Variants in FSHR observed in about 807,000 individuals in gnomAD.
The protein encoded by FSHR is follicle stimulating hormone receptor.
Under a neutral mutation model 52.1 loss-of-function variants are expected in FSHR, and 46 were observed. That is an observed-to-expected ratio of 0.88 (90% CI 0.70 to 1.13). The LOEUF (loss-of-function observed/expected upper bound fraction) is 1.13, where lower values mean the gene tolerates loss of function less well. FSHR is among the 50% of genes most tolerant of loss of function. The probability of loss-of-function intolerance (pLI) is 0.00; values close to 1 mark genes in which losing one functional copy is unlikely to be tolerated. For missense variants in FSHR, 964 were observed against 834.6 expected (o/e 1.16, Z -1.91); for synonymous variants, 399 against 309.6 (o/e 1.29, Z -3.03).
intron 1 of FSHR, among the ~76,000 whole-genome samples, chr2:49,077,560 C>T (rs190055052): frequency 7.7e-4 from 117 of 152,310 alleles, no homozygotes; most frequent in Middle Eastern, 3.4e-3. Flanking sequence ...TTGTTACTTA[C>T]GCAAATTTAC....
intron 4 of FSHR, among the ~76,000 whole-genome samples, chr2:49,011,999 A>T (rs1365430226): frequency 6.6e-6 from 1 of 152,122 alleles, no homozygotes. Context: ...ATCTCCTGGA[A>T]TTGTTCCCAC....
rs780629608 is a variant in FSHR at position 49,101,656 on chromosome 2, C to G, written c.153-33366G>C. Among the ~76,000 whole-genome samples the G allele has an allele frequency of 2.0e-4, 30 of 152,216 alleles. No homozygotes were observed. The South Asian group carries it at 2.3e-3, about 12-fold the overall frequency. Reference sequence around the variant, plus strand: ...GTTGAAGGGGGTCTTTGTCCATTGTCTGTTGCTTATAACAGAATATCTGAA... The same window carrying G: ...GTTGAAGGGGGTCTTTGTCCATTGTGTGTTGCTTATAACAGAATATCTGAA... On this transcript the variant is annotated intron_variant, in intron 1 of 9. Coordinates refer to ENST00000406846, the MANE Select transcript of FSHR (RefSeq NM_000145.4).
chr2:49,002,558 A>C (rs933333223), intron 4 of FSHR, among the ~76,000 whole-genome samples: 1 of 152,076 alleles, frequency 6.6e-6, no homozygotes, highest in African/African-American at 2.4e-5. Flanking sequence ...TGGTGGCAGC[A>C]AGAAGAAGTG....
intron 1 of FSHR, among the ~76,000 whole-genome samples, chr2:49,128,388 T>C (rs531870919): frequency 1.3e-5 from 2 of 152,128 alleles, no homozygotes; most frequent in South Asian, 4.1e-4. Flanking sequence ...TTGAAAAAGA[T>C]TTTACTAAGA....
chr2:49,000,492 A>T (rs965957703), intron 4 of FSHR, among the ~76,000 whole-genome samples: 2 of 152,206 alleles, frequency 1.3e-5, no homozygotes, highest in African/African-American at 4.8e-5. Context: ...GGCAGAGCTC[A>T]GTGTAGCCAA....
intron 1 of FSHR, among the ~76,000 whole-genome samples, chr2:49,142,741 G>A (rs1412197021): frequency 3.3e-5 from 5 of 152,176 alleles, no homozygotes; most frequent in Non-Finnish European, 7.3e-5. Flanking sequence ...GCCCAGGTGA[G>A]GGATGATGGT....
At chr2:49,068,781 A>G (rs1460416705) in intron 1 of FSHR, among the ~76,000 whole-genome samples, 2 of 152,048 alleles carry the variant, frequency 1.3e-5, no homozygotes, top group African/African-American at 2.4e-5. Flanking sequence ...TGTGCTTTAT[A>G]CACATTGCCT....
At chr2:49,145,163 A>G (rs1386601178) in intron 1 of FSHR, among the ~76,000 whole-genome samples, 1 of 152,124 alleles carries the variant, frequency 6.6e-6, no homozygotes, top group Non-Finnish European at 1.5e-5. Flanking sequence ...TGAAGTTGGC[A>G]AAGAAAACAA....
At chr2:49,075,670 C>G (rs747924886) in intron 1 of FSHR, among the ~76,000 whole-genome samples, 3 of 152,074 alleles carry the variant, frequency 2.0e-5, no homozygotes, top group Non-Finnish European at 4.4e-5. Context: ...CTCTGTCACC[C>G]AGGCTGGAGT....
intron 4 of FSHR, chr2:48,997,412 C>G (rs1279712865): frequency 3.0e-6 from 3 of 984,612 alleles, no homozygotes; most frequent in Non-Finnish European, 3.6e-6. Flanking sequence ...AGAGGTCAGT[C>G]CTATCGGCTT....
chr2:49,102,333 T>C (rs962246081), intron 1 of FSHR, among the ~76,000 whole-genome samples: 3 of 152,032 alleles, frequency 2.0e-5, no homozygotes, highest in Non-Finnish European at 4.4e-5. Flanking sequence ...AATTTGATAA[T>C]GCTGATGAGA....
chr2:49,127,751 T>TTC lies in FSHR; in HGVS notation c.152+26514_152+26515insGA, dbSNP rs1280067475. 3.6e-3 allele frequency among the ~76,000 whole-genome samples: 278 copies of TTC among 77,564 alleles called. 45 individuals carry two copies. The highest frequency in any genetic ancestry group is 0.015 in the African/African-American group (260 of 16,952). 50.9% of individuals were successfully genotyped at this position (77,564 alleles called of 152,430 possible). ...ATTTGTGCATGATTTCTTCTTCTTC[T>TTC]TTCTTCTTCTTCTTCTTCTTCTTCT... On this transcript the variant is annotated intron_variant, in intron 1 of 9. Coordinates refer to ENST00000406846, the MANE Select transcript of FSHR (RefSeq NM_000145.4).
At chr2:49,054,753 GA>G (rs1394152506) in intron 2 of FSHR, among the ~76,000 whole-genome samples, 1 of 152,164 alleles carries the variant, frequency 6.6e-6, no homozygotes, top group Non-Finnish European at 1.5e-5. Flanking sequence ...TTAGGCTGCT[GA>G]GACACTCGCA....
intron 1 of FSHR, among the ~76,000 whole-genome samples, chr2:49,107,008 A>G (rs1375382119): frequency 1.3e-5 from 2 of 152,184 alleles, no homozygotes; most frequent in African/African-American, 4.8e-5. Flanking sequence ...TTTGTTTTCT[A>G]CAATATCTAA....
intron 1 of FSHR, among the ~76,000 whole-genome samples, chr2:49,082,685 C>T (rs1396939474): frequency 1.3e-5 from 2 of 152,164 alleles, no homozygotes; most frequent in Admixed American, 1.3e-4. Context: ...GGCTCAAGAA[C>T]TACGTGAAGA....
rs544099748 is a variant in FSHR, at chr2:49,010,842, G to T, written c.374+6647C>A. On this transcript the variant is annotated intron_variant, in intron 4 of 9. Transcript: ENST00000406846. ...GAGGTGTTTGTAGTATTCTCTCATG[G>T]TAGTTTGTATTTCTGTGGGATCGGT... 7.2e-5 allele frequency among the ~76,000 whole-genome samples: 11 copies of T among 152,252 alleles called. No homozygotes were observed. The East Asian group carries it at 2.1e-3, about 29-fold the overall frequency.
intron 1 of FSHR, among the ~76,000 whole-genome samples, chr2:49,142,443 G>A (rs918912467): frequency 6.6e-6 from 1 of 152,178 alleles, no homozygotes; most frequent in Non-Finnish European, 1.5e-5. Flanking sequence ...GGTCCAGGGT[G>A]ACAGGAAGAG....
chr2:49,024,914 C>T (rs1006620926), intron 2 of FSHR, among the ~76,000 whole-genome samples: 1 of 152,222 alleles, frequency 6.6e-6, no homozygotes, highest in East Asian at 1.9e-4. Flanking sequence ...GTTACTGCCC[C>T]TTGCATATTG....
chr2:49,085,426 A>G (rs575990038), intron 1 of FSHR, among the ~76,000 whole-genome samples: 8 of 152,314 alleles, frequency 5.3e-5, no homozygotes, highest in Non-Finnish European at 1.0e-4. Flanking sequence ...TCCCTTTGAA[A>G]ACTGGCACAA....
Sources: gnomAD v4.1 joint callset for allele counts (sites outside exome capture counted in the v4.1 genomes callset) on GRCh38, gnomAD v4.1.1 for gene constraint, MANE v1.5 for transcripts, NCBI Gene and HGNC (gene_info 2026-07-23, HGNC 2026-07-21) for gene names.